AFF1: variants seen among roughly 807,000 people sequenced by gnomAD.
AFF1 encodes AF4/FMR2 family member 1.
Under a neutral mutation model 121.7 loss-of-function variants are expected in AFF1, and 48 were observed. The ratio of observed to expected loss-of-function variants is 0.39; its 90% CI spans 0.31 to 0.50. The LOEUF is 0.50. AFF1 is among the 20% of genes least tolerant of loss of function. The probability of loss-of-function intolerance (pLI) is 0.76; values close to 1 mark genes in which losing one functional copy is unlikely to be tolerated. For synonymous variants in AFF1, 613 were observed against 563.0 expected (o/e 1.09, Z -1.26); for missense variants, 1,523 against 1,511.7 (o/e 1.01, Z -0.12).
chr4:87,089,850 G>T, intron 5 of AFF1, 134 bp from the exon 6 acceptor site: 172 of 542,306 alleles, frequency 3.2e-4, no homozygotes, highest in Middle Eastern at 6.5e-4. Context: ...TTTTTTTTAA[G>T]TACATGAAAT....
intron 11 of AFF1, among the ~76,000 whole-genome samples, chr4:87,111,675 C>T (rs1266053813): frequency 2.0e-5 from 3 of 152,128 alleles, no homozygotes; most frequent in Admixed American, 2.0e-4. Flanking sequence ...TTTAATCAAT[C>T]CCTTATGAAA....
At chr4:87,076,301 G>A (rs1237650222) in intron 4 of AFF1, among the ~76,000 whole-genome samples, 1 of 152,128 alleles carries the variant, frequency 6.6e-6, no homozygotes, top group Non-Finnish European at 1.5e-5. Context: ...AATCTGTTTA[G>A]AGAACTATAG....
chr4:87,065,036 AAAAAAT>A (rs143906548), intron 4 of AFF1, among the ~76,000 whole-genome samples: 2,355 of 152,258 alleles, frequency 0.015, 67 homozygotes, highest in African/African-American at 0.054. Flanking sequence ...CTGTCACAAG[AAAAAAT>A]AATATAGTGT....
chr4:87,131,962 A>G (rs903948253), intron 18 of AFF1, 98 bp downstream of exon 18: 6 of 1,112,108 alleles, frequency 5.4e-6, no homozygotes, highest in Middle Eastern at 2.7e-4. Flanking sequence ...TGTGAAAATT[A>G]TGAAAAGCAA....
chr4:87,083,361 A>G (rs1042838623), intron 4 of AFF1, among the ~76,000 whole-genome samples: 2 of 152,218 alleles, frequency 1.3e-5, no homozygotes, highest in Admixed American at 6.5e-5. Flanking sequence ...GCGTCTGTGT[A>G]TGTATATATG....
rs554015857 is a variant in AFF1, at chr4:87,072,612, C to G, written c.1060-11508C>G. 5.9e-5 allele frequency among the ~76,000 whole-genome samples: 9 copies of G among 151,446 alleles called. No individual in the cohort carries two copies. The East Asian group carries it at 1.4e-3, about 23-fold the overall frequency. On this transcript the variant is annotated intron_variant, in intron 4 of 20. Transcript: ENST00000395146. ...TCTCAGCTCACGGCAGCCTCCGCCT[C>G]CTAGGTTCAGCAATTCTCCTGCTTC... is the stretch of plus-strand genomic sequence containing the variant.
intron 1 of AFF1, among the ~76,000 whole-genome samples, chr4:86,941,682 T>TAA (rs931425098): frequency 6.7e-6 from 1 of 149,242 alleles, no homozygotes; most frequent in Non-Finnish European, 1.5e-5. Context: ...ATAAATAAAA[T>TAA]AAAAAATAGC....
chr4:86,941,651 C>CATAA (rs71657599), intron 1 of AFF1, among the ~76,000 whole-genome samples: 10,310 of 150,720 alleles, frequency 0.068, 451 homozygotes, highest in Non-Finnish European at 0.091. Flanking sequence ...GACTCTGTCT[C>CATAA]ATAAATAAAT....
At chr4:87,041,940 A>C (rs1407939942) in intron 2 of AFF1, among the ~76,000 whole-genome samples, 1 of 151,552 alleles carries the variant, frequency 6.6e-6, no homozygotes, top group East Asian at 1.9e-4. Context: ...ACTTGAACCC[A>C]GGAGGCAGAG....
chr4:86,994,771 G>T (rs1367412859), intron 2 of AFF1, among the ~76,000 whole-genome samples: 1 of 152,178 alleles, frequency 6.6e-6, no homozygotes, highest in African/African-American at 2.4e-5. Context: ...TGGAGCAGAG[G>T]GAAAGGGGCA....
In AFF1 at chr4:87,138,452, G is replaced by C; in HGVS notation, c.*2751G>C. The stretch of plus-strand genomic sequence containing the variant: ...AGACAAATGCAAAGCATCTTAAGGA[G>C]TGAAAATAGAGTGTAAATCTTGCCT... On this transcript the variant is annotated 3_prime_UTR_variant, in exon 21 of 21. Transcript: ENST00000395146. The C allele has an allele frequency of 4.3e-6, 1 of 232,752 alleles. No homozygotes were observed. Among genetic ancestry groups the C allele is most frequent in the African/African-American group, 2.2e-5 (1 of 45,386 alleles). The allele number at this position is 232,752 out of a possible 1,614,324, so 14.4% of individuals were successfully genotyped here.
intron 4 of AFF1, among the ~76,000 whole-genome samples, chr4:87,081,153 T>C (rs1226469281): frequency 5.7e-4 from 4 of 7,030 alleles, no homozygotes; most frequent in Admixed American, 4.0e-3. Context: ...ATGAAATGAA[T>C]TTTTTTTTTT....
intron 2 of AFF1, chr4:87,007,391 G>A (rs1326315993): frequency 3.7e-6 from 6 of 1,614,038 alleles, no homozygotes; most frequent in Non-Finnish European, 5.1e-6. Context: ...AAGACCCCTG[G>A]CTCTATAAGC....
At chr4:87,106,552 C>T (rs1228358890) in intron 10 of AFF1, among the ~76,000 whole-genome samples, 2 of 152,108 alleles carry the variant, frequency 1.3e-5, no homozygotes, top group Non-Finnish European at 2.9e-5. Context: ...TGCCTGTTTT[C>T]TTAGTTACAT....
In AFF1 at chr4:87,121,996, T is replaced by C. The variant is rs61556930; in HGVS notation, c.2467-3041T>C. ...CAAAAATCAGCTCTCATTTCACTGC[T>C]AGACTTTGGTGTTTTCTTTAAGAAG... On this transcript the variant is annotated intron_variant, in intron 12 of 20. Transcript: ENST00000395146. 3.9e-3 allele frequency among the ~76,000 whole-genome samples: 600 copies of C among 152,376 alleles called. 5 individuals are homozygous for C. Among genetic ancestry groups the C allele is most frequent in the African/African-American group, 0.014 (568 of 41,600 alleles).
chr4:87,020,557 T>C (rs749750734), intron 2 of AFF1, among the ~76,000 whole-genome samples: 2 of 152,214 alleles, frequency 1.3e-5, no homozygotes, highest in Non-Finnish European at 2.9e-5. Flanking sequence ...CAATTTCGGC[T>C]CACTGTAACC....
intron 4 of AFF1, chr4:87,047,894 A>AT (rs1425352711): frequency 7.2e-6 from 3 of 418,348 alleles, no homozygotes; most frequent in African/African-American, 6.1e-5. Context: ...CAAAAAATAG[A>AT]TACACCTATA....
intron 2 of AFF1, among the ~76,000 whole-genome samples, chr4:87,007,767 C>T (rs2149530422): frequency 6.6e-6 from 1 of 152,222 alleles, no homozygotes; most frequent in South Asian, 2.1e-4. Context: ...TGCGCCTACC[C>T]CTCGGTTTTC....
intron 2 of AFF1, among the ~76,000 whole-genome samples, chr4:87,024,626 C>T (rs1728346040): frequency 6.6e-6 from 1 of 152,100 alleles, no homozygotes; most frequent in Non-Finnish European, 1.5e-5. Flanking sequence ...GAGTCTTGTT[C>T]TGTCTTCCGA....
Sources: allele counts gnomAD v4.1 joint callset (sites outside exome capture counted in the v4.1 genomes callset), GRCh38; gene constraint gnomAD v4.1.1; transcripts MANE v1.5; gene names NCBI Gene and HGNC (gene_info 2026-07-23, HGNC 2026-07-21).